MYL4: variants seen among roughly 807,000 people sequenced by gnomAD.
MYL4 encodes myosin light chain 4.
MYL4 carries 16 observed loss-of-function variants against 21.6 expected under a neutral mutation model. That is an observed-to-expected ratio of 0.74 (90% CI 0.50 to 1.12). The LOEUF (loss-of-function observed/expected upper bound fraction) is 1.12. Ranked by LOEUF, MYL4 falls within the 50% of genes most tolerant of loss-of-function variation. The probability of loss-of-function intolerance (pLI) is 0.00; values close to 1 mark genes in which losing one functional copy is unlikely to be tolerated. For missense variants in MYL4, 249 were observed against 252.9 expected (o/e 0.98, Z 0.11); for synonymous variants, 82 against 95.7 (o/e 0.86, Z 0.83).
rs533466826 is a variant in MYL4 at position 47,211,135 on chromosome 17, T to C, written c.135+1578T>C. On this transcript the variant is annotated intron_variant, in intron 1 of 6. Transcript: ENST00000393450. The stretch of plus-strand genomic sequence containing the variant: ...CCTCTTTTCCATATCTGCATCTTCA[T>C]GGGGGTTGTTGAAGTTGCTTTGAAG... 4.6e-5 allele frequency among the ~76,000 whole-genome samples: 7 copies of C among 152,184 alleles called. 1 individual carries two copies. The East Asian group carries it at 1.4e-3, about 29-fold the overall frequency.
intron 1 of MYL4, 64 bp downstream of exon 1, chr17:47,209,621 G>A: frequency 6.2e-7 from 1 of 1,613,270 alleles, no homozygotes; most frequent in South Asian, 1.1e-5. Context: ...TTGCTCTGGA[G>A]CTTAGCGATC....
downstream of MYL4, among the ~76,000 whole-genome samples, chr17:47,223,954 T>G: frequency 6.6e-6 from 1 of 152,092 alleles, no homozygotes; most frequent in Non-Finnish European, 1.5e-5. Flanking sequence ...ACCCTCTACC[T>G]AATCACACCT....
At chr17:47,209,643 G>A (rs1239676777) in intron 1 of MYL4, 86 bp downstream of exon 1, 1 of 1,604,208 alleles carries the variant, frequency 6.2e-7, no homozygotes, top group Admixed American at 1.7e-5. Flanking sequence ...ACTTTATGTG[G>A]GCTGGACTGG....
In MYL4 at chr17:47,222,470, G is replaced by C. The variant is rs374440892; in HGVS notation, c.565+13G>C. ...ATCAATTATGAAGGTATTAAGCCGC[G>C]CCTTGCATCCCAGGGCAGCCAGGGA... On this transcript the variant is annotated intron_variant, in intron 5 of 6. Transcript: ENST00000393450. The C allele has an allele frequency of 2.5e-6, 4 of 1,613,892 alleles. No homozygotes were observed. The Admixed American group carries it at 5.0e-5, about 20-fold the overall frequency.
chr17:47,209,670 T>C (rs1369993708), intron 1 of MYL4, 113 bp downstream of exon 1: 2 of 1,533,178 alleles, frequency 1.3e-6, no homozygotes, highest in South Asian at 2.2e-5. Flanking sequence ...GACTAGGGTG[T>C]CCATGCCCCA....
In MYL4 at chr17:47,222,441, C is replaced by T. The variant is rs766393545; in HGVS notation, c.549C>T (p.Gly183=). The T allele has an allele frequency of 9.9e-6, 16 of 1,614,002 alleles. No individual in the cohort carries two copies. The highest frequency in any genetic ancestry group is 1.7e-5 in the Admixed American group (1 of 60,000). Residue 183 remains glycine, a synonymous_variant, in exon 5 of 7, where the codon GGC becomes GGT. Transcript: ENST00000393450. The part of the protein sequence containing the change: ...QLLAGQEDAN[G]CINYEAFVKH... ...TAGCTGGGCAAGAGGATGCCAATGG[C>T]TGCATCAATTATGAAGGTATTAAGC... is the stretch of plus-strand genomic sequence containing the variant.
At chr17:47,208,996 GC>G (rs923228076), upstream of MYL4, 2 of 228,414 alleles carry the variant, frequency 8.8e-6, no homozygotes, top group African/African-American at 4.7e-5. Context: ...CTCGGGAGGG[GC>G]TAAAAAAAGC....
intron 1 of MYL4, among the ~76,000 whole-genome samples, chr17:47,210,999 A>G (rs902857710): frequency 6.6e-6 from 1 of 152,024 alleles, no homozygotes; most frequent in African/African-American, 2.4e-5. Flanking sequence ...TGTCTGGGCA[A>G]CAGCTGCCTA....
chr17:47,225,787 C>T (rs2064883010), downstream of MYL4, among the ~76,000 whole-genome samples: 1 of 151,984 alleles, frequency 6.6e-6, no homozygotes, highest in Non-Finnish European at 1.5e-5. Flanking sequence ...CTTTAAATCA[C>T]ACCCCCAGTT....
chr17:47,217,544 A>C (rs1345435204), intron 2 of MYL4, among the ~76,000 whole-genome samples: 4 of 152,224 alleles, frequency 2.6e-5, no homozygotes, highest in Non-Finnish European at 5.9e-5. Context: ...AAAGTTCAGC[A>C]AAGTTAAATG....
chr17:47,197,545 C>G (rs2064694002), upstream of MYL4, among the ~76,000 whole-genome samples: 1 of 152,170 alleles, frequency 6.6e-6, no homozygotes, highest in South Asian at 2.1e-4. Flanking sequence ...GGGAAATAAA[C>G]TACAGACAGC....
At chr17:47,190,411 ACT>A in the MYL4 span, among the ~76,000 whole-genome samples, 15 of 151,996 alleles carry the variant, frequency 9.9e-5, no homozygotes, top group African/African-American at 2.7e-4. Context: ...GAACCAGGGG[ACT>A]GTTTAAATTT....
downstream of MYL4, among the ~76,000 whole-genome samples, chr17:47,226,853 C>A (rs909607688): frequency 6.6e-6 from 1 of 152,162 alleles, no homozygotes; most frequent in African/African-American, 2.4e-5. Context: ...ATTTTATTTT[C>A]TTTTCTCTCT....
rs201301071 is a variant in MYL4, at chr17:47,209,488, C to T, written c.66C>T (p.Ala22=). ...AGCCAGCTCCAGCTCCAGCTCCAGC[C>T]CCTGCACCAGCCCCTGCCCCAGCTC... is the stretch of plus-strand genomic sequence containing the variant. ...AAKPAPAPAP[A]PAPAPAPAPE... is the part of the protein sequence containing the mutation. The change falls in exon 1 of 7, where the codon GCC becomes GCT. Residue 22 remains alanine (A), a synonymous_variant. Transcript: ENST00000393450. 10 of 1,614,076 alleles carry T rather than the reference C, an allele frequency of 6.2e-6. No homozygotes were observed. The East Asian group carries it at 2.0e-4, about 32-fold the overall frequency.
Position 47,209,582 on chromosome 17 carries a change from T to C in MYL4, c.135+25T>C, listed in dbSNP as rs1032473342. On this transcript the variant is annotated intron_variant, in intron 1 of 6. Coordinates refer to ENST00000393450, the MANE Select transcript of MYL4 (RefSeq NM_002476.2). ...GGTAAGTGAGGCTCAGCCATTGGGA[T>C]AGAGGTGGGGATGACATTGAGAGTC... The C allele has an allele frequency of 5.6e-6, 9 of 1,614,050 alleles. No individual in the cohort carries two copies. The African/African-American group carries it at 8.0e-5, about 14-fold the overall frequency.
upstream of MYL4, among the ~76,000 whole-genome samples, chr17:47,207,792 C>T (rs569642358): frequency 6.6e-6 from 1 of 152,152 alleles, no homozygotes; most frequent in African/African-American, 2.4e-5. Flanking sequence ...ACAGTAAATG[C>T]TCGTTATAAA....
chr17:47,191,675 T>C, the MYL4 span, among the ~76,000 whole-genome samples: 11 of 152,186 alleles, frequency 7.2e-5, no homozygotes, highest in African/African-American at 1.7e-4. Context: ...TTCACCATGT[T>C]GGCCAGGCTG....
rs555986980 is a variant in MYL4 at position 47,216,838 on chromosome 17, G to A, written c.163+3012G>A. ...GCCTCCTGAGTAGCTGGGATTGCAG[G>A]CATGCATCACCACGCTCAGATAATT... On this transcript the variant is annotated intron_variant, in intron 2 of 6. Coordinates refer to ENST00000393450, the MANE Select transcript of MYL4 (RefSeq NM_002476.2). Among the ~76,000 whole-genome samples, 4 of 152,176 alleles carry A rather than the reference G, an allele frequency of 2.6e-5. No homozygotes were observed. In the South Asian group the frequency reaches 8.3e-4, roughly 32 times the overall value.
rs781162398 is a variant in MYL4 at position 47,221,839 on chromosome 17, C to T, written c.471C>T (p.His157=). 1.2e-5 allele frequency: 20 copies of T among 1,613,370 alleles called. No individual in the cohort carries two copies. The highest frequency in any genetic ancestry group is 7.7e-5 in the South Asian group (7 of 90,982). ...NGTVMGAELR[H]VLATLGEKMT... is the part of the protein sequence containing the mutation. ...CGGTCATGGGTGCTGAGCTTCGGCA[C>T]GTCCTTGCCACCCTGGGTATGCCAG... The change falls in exon 4 of 7, where the codon CAC becomes CAT. Residue 157 remains histidine (H), a synonymous_variant. Transcript: ENST00000393450.
Sources: gnomAD v4.1 joint callset for allele counts (sites outside exome capture counted in the v4.1 genomes callset) on GRCh38, gnomAD v4.1.1 for gene constraint, MANE v1.5 for transcripts, NCBI Gene and HGNC (gene_info 2026-07-23, HGNC 2026-07-21) for gene names.